The following KANK1 variants were observed in gnomAD, a reference collection of about 807,000 sequenced individuals.
The protein encoded by KANK1 is KN motif and ankyrin repeat domain-containing protein 1.
In KANK1, 109 loss-of-function variants were observed where a neutral mutation model predicts 106.2. The ratio of observed to expected loss-of-function variants is 1.03; its 90% CI spans 0.88 to 1.20. The LOEUF is 1.20. Ranked by LOEUF, KANK1 falls within the 50% of genes most tolerant of loss-of-function variation. The probability of loss-of-function intolerance (pLI) is 0.00; values close to 1 mark genes in which losing one functional copy is unlikely to be tolerated. For missense variants in KANK1, 2,399 were observed against 1,710.7 expected (o/e 1.40, Z -7.10); for synonymous variants, 873 against 652.2 (o/e 1.34, Z -5.16).
rs757602584 is a variant in KANK1 at position 600,048 on chromosome 9, T to G, written c.-83-76842T>G. Among the ~76,000 whole-genome samples, 119 of 151,868 alleles carry G rather than the reference T, an allele frequency of 7.8e-4. 1 individual carries two copies. The highest frequency in any genetic ancestry group is 3.2e-3 in the Middle Eastern group (1 of 316). The stretch of plus-strand genomic sequence containing the variant: ...CCTTAAATTTTTTTAAAGTTTTGTG[T>G]TAGGCATAACACATAATTTACTATC... On this transcript the variant is annotated intron_variant, in intron 1 of 11. Transcript: ENST00000382297.
At chr9:585,270 C>T (rs940382829) in intron 1 of KANK1, among the ~76,000 whole-genome samples, 4 of 152,200 alleles carry the variant, frequency 2.6e-5, no homozygotes, top group Non-Finnish European at 5.9e-5. Flanking sequence ...TGTGCATCAT[C>T]CTTGCTGCCA....
chr9:731,239 A>G lies in KANK1; in HGVS notation c.2978A>G (p.Asn993Ser), dbSNP rs1160480918. Residue 993 changes from asparagine (N) to serine (S), a missense_variant, in exon 5 of 12, where the codon AAT (asparagine) becomes AGT (serine). Asn to Ser is a conservative substitution (Grantham distance 46). Coordinates refer to ENST00000382297, the MANE Select transcript of KANK1 (RefSeq NM_015158.5). ...AAAGATTCAAATGGCGCAAAAAAGA[A>G]TCTTCAGTTTGTTGGCATTAATGGA... Reference protein sequence around the residue: ...GNKDSNGAKKNLQFVGINGGY... With the variant: ...GNKDSNGAKKSLQFVGINGGY... 20 of 1,608,516 alleles carry G rather than the reference A, an allele frequency of 1.2e-5. No homozygotes were observed. Among genetic ancestry groups the G allele is most frequent in the Non-Finnish European group, 1.6e-5 (19 of 1,175,250 alleles).
intron 1 of KANK1, among the ~76,000 whole-genome samples, chr9:583,453 T>C (rs1822674140): frequency 6.6e-6 from 1 of 152,050 alleles, no homozygotes; most frequent in South Asian, 2.1e-4. Flanking sequence ...AATAGATTAG[T>C]GAAGTAGTGA....
At chr9:738,246 A>G (rs745881298) in intron 7 of KANK1, 39 bp from the exon 8 acceptor site, 4 of 1,544,764 alleles carry the variant, frequency 2.6e-6, no homozygotes, top group South Asian at 1.2e-5. Context: ...CAGAAAGTCT[A>G]TAAATAGAAG....
chr9:574,855 A>C (rs1165135155), intron 1 of KANK1, among the ~76,000 whole-genome samples: 3 of 96,764 alleles, frequency 3.1e-5, no homozygotes, highest in African/African-American at 1.2e-4. Context: ...ACTCCGTCTC[A>C]AAAAAAAAAA....
intron 1 of KANK1, among the ~76,000 whole-genome samples, chr9:566,030 C>T (rs1165391156): frequency 6.6e-6 from 1 of 152,172 alleles, no homozygotes; most frequent in African/African-American, 2.4e-5. Flanking sequence ...CTCCACCCTC[C>T]ATTAGGCTGC....
At chr9:570,979 A>G (rs1464705101) in intron 1 of KANK1, among the ~76,000 whole-genome samples, 1 of 152,096 alleles carries the variant, frequency 6.6e-6, no homozygotes, top group Non-Finnish European at 1.5e-5. Context: ...TAGAGGTGAA[A>G]TGTTTGGGTC....
intron 10 of KANK1, among the ~76,000 whole-genome samples, chr9:743,054 C>T (rs953954022): frequency 6.6e-6 from 1 of 152,174 alleles, no homozygotes; most frequent in Non-Finnish European, 1.5e-5. Context: ...TTTTGCGTGT[C>T]TCTAGGCCAA....
intron 1 of KANK1, among the ~76,000 whole-genome samples, chr9:514,155 CCTCCCTTCCTCT>C (rs1460555860): frequency 1.4e-4 from 13 of 92,698 alleles, no homozygotes; most frequent in Admixed American, 6.3e-4. Context: ...TTCCTCTCTC[CCTCCCTTCCTCT>C]CTCCCTCCCT....
At chr9:610,693 T>C (rs892620382) in intron 1 of KANK1, among the ~76,000 whole-genome samples, 1 of 152,168 alleles carries the variant, frequency 6.6e-6, no homozygotes, top group Non-Finnish European at 1.5e-5. Context: ...AAGAGAAGAA[T>C]TGTACATTCC....
chr9:730,742 T>C (rs138873175), intron 4 of KANK1: 95 of 181,562 alleles, frequency 5.2e-4, no homozygotes, highest in African/African-American at 2.1e-3. Context: ...TATTACAAAT[T>C]ATGAAATATT....
chr9:609,326 C>G (rs1830049117), intron 1 of KANK1, among the ~76,000 whole-genome samples: 1 of 152,064 alleles, frequency 6.6e-6, no homozygotes, highest in Non-Finnish European at 1.5e-5. Flanking sequence ...GCTACAAGTC[C>G]TTTTTAAATA....
intron 1 of KANK1, among the ~76,000 whole-genome samples, chr9:611,019 G>A (rs1019369822): frequency 1.3e-5 from 2 of 152,116 alleles, no homozygotes; most frequent in Non-Finnish European, 2.9e-5. Flanking sequence ...GGCATCTTCT[G>A]TATCCTTTAT....
At chr9:604,554 G>T (rs996172041) in intron 1 of KANK1, among the ~76,000 whole-genome samples, 1 of 151,768 alleles carries the variant, frequency 6.6e-6, no homozygotes. Context: ...TTTCCTGGCC[G>T]GGTGCAGTGG....
intron 3 of KANK1, among the ~76,000 whole-genome samples, chr9:722,679 G>C (rs1394984206): frequency 6.6e-6 from 1 of 152,166 alleles, no homozygotes; most frequent in East Asian, 1.9e-4. Context: ...TGGCAATATA[G>C]GTGACCAATT....
chr9:608,034 A>ATTATTT lies in KANK1; in HGVS notation c.-83-68854_-83-68853insATTTTT, dbSNP rs550990252. On this transcript the variant is annotated intron_variant, in intron 1 of 11. Coordinates refer to ENST00000382297, the MANE Select transcript of KANK1 (RefSeq NM_015158.5). ...CAGAATTATTATTATTATTATTATT[A>ATTATTT]TTTTTTTTTTTTTTGAGACGGAGTC... Among the ~76,000 whole-genome samples the ATTATTT allele has an allele frequency of 7.1e-3, 818 of 115,268 alleles. 32 individuals are homozygous for ATTATTT. The highest frequency in any genetic ancestry group is 0.026 in the African/African-American group (701 of 26,838). 75.6% of individuals were successfully genotyped at this position (115,268 alleles called of 152,430 possible).
chr9:661,728 T>C (rs1563945040), intron 1 of KANK1, among the ~76,000 whole-genome samples: 1 of 152,188 alleles, frequency 6.6e-6, no homozygotes, highest in Non-Finnish European at 1.5e-5. Context: ...TGAACTAGTT[T>C]ACACTCCCAC....
chr9:554,843 A>C (rs2061485841), intron 1 of KANK1, among the ~76,000 whole-genome samples: 1 of 152,218 alleles, frequency 6.6e-6, no homozygotes, highest in African/African-American at 2.4e-5. Context: ...ACGATGTGAA[A>C]ATTTAAAAAA....
At position 669,386 on chromosome 9, in the gene KANK1, G is replaced by T. The variant is rs10975679; in HGVS notation, c.-83-7504G>T. ...TGAAGAACCATCTTTAACATTTCTT[G>T]TAAGACAGATCTAGTAGTGGTAAAT... On this transcript the variant is annotated intron_variant, in intron 1 of 11. Transcript: ENST00000382297. 7.0e-3 allele frequency among the ~76,000 whole-genome samples: 1,058 copies of T among 152,052 alleles called. 20 individuals are homozygous for T. Among genetic ancestry groups the T allele is most frequent in the African/African-American group, 0.024 (1,002 of 41,456 alleles).
Sources: gnomAD v4.1 joint callset for allele counts (sites outside exome capture counted in the v4.1 genomes callset) on GRCh38, gnomAD v4.1.1 for gene constraint, MANE v1.5 for transcripts, NCBI Gene and HGNC (gene_info 2026-07-23, HGNC 2026-07-21) for gene names.